The following THSD7B variants were observed in gnomAD, a reference collection of about 807,000 sequenced individuals.
THSD7B encodes thrombospondin type 1 domain containing 7B, also known as thrombospondin type-1 domain-containing protein 7B.
In THSD7B, 138 loss-of-function variants were observed where a neutral mutation model predicts 213.6. The observed-to-expected ratio is 0.65, with a 90% CI of 0.56 to 0.74. The LOEUF is 0.74. THSD7B is among the 30% of genes least tolerant of loss of function. THSD7B has a pLI of 0.00. For missense variants in THSD7B, 1,931 were observed against 1,991.5 expected, an observed-to-expected ratio of 0.97 and a Z score of 0.58; for synonymous variants, 742 against 687.0, an observed-to-expected ratio of 1.08 and a Z score of -1.25.
chr2:136,867,268 C>T (rs1005338718), intron 1 of THSD7B, among the ~76,000 whole-genome samples: 1 of 152,210 alleles, frequency 6.6e-6, no homozygotes, highest in African/African-American at 2.4e-5. Flanking sequence ...TTGGCTGTCC[C>T]TAACGGACCA....
At chr2:137,587,309 G>A (rs373411616) in intron 17 of THSD7B, among the ~76,000 whole-genome samples, 22 of 151,976 alleles carry the variant, frequency 1.4e-4, no homozygotes, top group Admixed American at 7.2e-4. Context: ...GAGAAGTTTC[G>A]TTGTCTGAAG....
intron 12 of THSD7B, among the ~76,000 whole-genome samples, chr2:137,393,491 C>T (rs2104982704): frequency 6.7e-6 from 1 of 149,214 alleles, no homozygotes; most frequent in East Asian, 1.9e-4. Context: ...CACATGAACT[C>T]ATCATTTTTT....
At chr2:137,104,641 A>G (rs1182777137) in intron 4 of THSD7B, among the ~76,000 whole-genome samples, 1 of 152,190 alleles carries the variant, frequency 6.6e-6, no homozygotes, top group Non-Finnish European at 1.5e-5. Context: ...GAAAAGATTA[A>G]CAAAATGATA....
intron 20 of THSD7B, among the ~76,000 whole-genome samples, chr2:137,624,090 A>G (rs1236959171): frequency 1.3e-5 from 2 of 152,238 alleles, no homozygotes; most frequent in Non-Finnish European, 2.9e-5. Context: ...CTACAAGGCT[A>G]CAGTAACCAA....
At chr2:137,525,938 C>T (rs1318965737) in intron 15 of THSD7B, among the ~76,000 whole-genome samples, 1 of 152,062 alleles carries the variant, frequency 6.6e-6, no homozygotes, top group Non-Finnish European at 1.5e-5. Context: ...CCAGCCAGCC[C>T]CTTTCCTCCT....
chr2:137,637,660 C>G (rs966634361), intron 20 of THSD7B, among the ~76,000 whole-genome samples: 2 of 151,300 alleles, frequency 1.3e-5, no homozygotes, highest in Non-Finnish European at 2.9e-5. Flanking sequence ...GTAATAGCAT[C>G]ATTTTTTTCT....
chr2:137,656,702 A>C (rs1317960539), intron 22 of THSD7B, 94 bp from the exon 23 acceptor site: 1 of 1,195,082 alleles, frequency 8.4e-7, no homozygotes, highest in African/African-American at 1.5e-5. Context: ...TGCATGTATC[A>C]CTGCAAATCT....
chr2:137,443,958 T>A (rs1687473842), intron 14 of THSD7B, among the ~76,000 whole-genome samples: 1 of 152,034 alleles, frequency 6.6e-6, no homozygotes, highest in Non-Finnish European at 1.5e-5. Context: ...CTAAATGAGA[T>A]ATTTTGTTTG....
At chr2:137,279,733 A>G (rs1450491699) in intron 12 of THSD7B, among the ~76,000 whole-genome samples, 1 of 152,102 alleles carries the variant, frequency 6.6e-6, no homozygotes, top group African/African-American at 2.4e-5. Context: ...GCTGGTTTAA[A>G]CACATAGGGT....
At chr2:137,510,214 G>C (rs537607058) in intron 15 of THSD7B, among the ~76,000 whole-genome samples, 1 of 151,376 alleles carries the variant, frequency 6.6e-6, no homozygotes, top group Non-Finnish European at 1.5e-5. Context: ...TTCTATCTTC[G>C]ATGAATTTTA....
chr2:137,619,315 G>A (rs1388545651), intron 19 of THSD7B, among the ~76,000 whole-genome samples: 1 of 152,178 alleles, frequency 6.6e-6, no homozygotes, highest in Non-Finnish European at 1.5e-5. Flanking sequence ...TCTTAAGAGA[G>A]GTGGAATACA....
Position 137,257,506 on chromosome 2 carries a change from T to C in THSD7B, c.2266+14934T>C, listed in dbSNP as rs148176726. On this transcript the variant is annotated intron_variant, in intron 10 of 27. Coordinates refer to ENST00000409968, the MANE Select transcript of THSD7B (RefSeq NM_001316349.2). ...AAGTCCCCACATTCCCATCTCTTCT[T>C]ATCAGGATCAGGGACAAAATTTGAG... Among the ~76,000 whole-genome samples the C allele has an allele frequency of 1.0e-3, 156 of 152,242 alleles. 3 individuals carry two copies. Among genetic ancestry groups the C allele is most frequent in the Middle Eastern group, 6.8e-3 (2 of 294 alleles).
intron 21 of THSD7B, among the ~76,000 whole-genome samples, chr2:137,652,057 C>A (rs1296218036): frequency 6.6e-6 from 1 of 152,054 alleles, no homozygotes; most frequent in Non-Finnish European, 1.5e-5. Flanking sequence ...CTATAAATAT[C>A]TGTTAGACCT....
At chr2:137,158,536 T>A (rs1261094363) in intron 5 of THSD7B, among the ~76,000 whole-genome samples, 1 of 152,206 alleles carries the variant, frequency 6.6e-6, no homozygotes, top group African/African-American at 2.4e-5. Flanking sequence ...TGGAAAAGAA[T>A]TAATTGCAAA....
At chr2:137,560,153 C>T (rs184351033) in intron 15 of THSD7B, among the ~76,000 whole-genome samples, 25 of 152,202 alleles carry the variant, frequency 1.6e-4, no homozygotes, top group East Asian at 1.2e-3. Flanking sequence ...GACTGTGTGG[C>T]GATTCCTCAA....
In THSD7B at chr2:137,267,178, T is replaced by A. The variant is rs1427471312; in HGVS notation, c.2267-5355T>A. On this transcript the variant is annotated intron_variant, in intron 10 of 27. Transcript: ENST00000409968. ...CCATCTTCTCTAAATGTTATTTCTT[T>A]TGACTATAATTAAAAACAAGTTTAA... is the stretch of plus-strand genomic sequence containing the variant. Among the ~76,000 whole-genome samples, 3 of 152,238 alleles carry A rather than the reference T, an allele frequency of 2.0e-5. No homozygotes were observed. In the East Asian group the frequency reaches 5.8e-4, roughly 29 times the overall value.
rs1342953307 is a variant in THSD7B at position 137,546,486 on chromosome 2, T to TA, written c.3139-16734dup. Among the ~76,000 whole-genome samples, 71 of 78,420 alleles carry TA rather than the reference T, an allele frequency of 9.1e-4. 4 individuals carry two copies. The highest frequency in any genetic ancestry group is 2.2e-3 in the East Asian group (6 of 2,786). The allele number at this position is 78,420 out of a possible 152,430, so 51.4% of individuals were successfully genotyped here. Reference sequence around the variant, plus strand: ...ATAATATATATATATATAATATATATATATATATATTAACATACCTATTGA... The same window carrying TA: ...ATAATATATATATATATAATATATATAATATATATATTAACATACCTATTGA... On this transcript the variant is annotated intron_variant, in intron 15 of 27. Coordinates refer to ENST00000409968, the MANE Select transcript of THSD7B (RefSeq NM_001316349.2).
chr2:137,325,167 T>TTTTTTGTTTTTG (rs58701499), intron 12 of THSD7B, among the ~76,000 whole-genome samples: 139,824 of 151,748 alleles, frequency 0.92, 64,544 homozygotes, highest in South Asian at 0.98. Context: ...TGTTTTTTGT[T>TTTTTTGTTTTTG]TTTTTGTTTT....
chr2:137,482,948 G>A (rs937824521), intron 15 of THSD7B, among the ~76,000 whole-genome samples: 2 of 152,140 alleles, frequency 1.3e-5, no homozygotes, highest in Admixed American at 1.3e-4. Context: ...ACATTTCAAG[G>A]TACTCTGACT....
Sources: allele counts gnomAD v4.1 joint callset (sites outside exome capture counted in the v4.1 genomes callset), GRCh38; gene constraint gnomAD v4.1.1; transcripts MANE v1.5; gene names NCBI Gene and HGNC (gene_info 2026-07-23, HGNC 2026-07-21).